Variants in HMGB1 observed in about 807,000 individuals in gnomAD.
The protein encoded by HMGB1 is high mobility group box 1, also known as high mobility group protein B1.
For synonymous variants in HMGB1, 81 were observed against 84.0 expected (o/e 0.96, Z 0.19); for missense variants, 79 against 253.5 (o/e 0.31, Z 4.67).
At chr13:30,471,688 G>A (rs1886943432) in intron 1 of HMGB1, among the ~76,000 whole-genome samples, 1 of 56,694 alleles carries the variant, frequency 1.8e-5, no homozygotes, top group Non-Finnish European at 3.5e-5. Context: ...TTTTTTTTGA[G>A]ATGGAGTTTC....
intron 1 of HMGB1, among the ~76,000 whole-genome samples, chr13:30,478,961 C>T (rs1385482787): frequency 8.6e-5 from 13 of 151,494 alleles, no homozygotes; most frequent in African/African-American, 1.5e-4. Flanking sequence ...CTCTGCCTCC[C>T]GGGTTCAAGC....
chr13:30,519,777 C>A (rs61947770), intron 1 of HMGB1, among the ~76,000 whole-genome samples: 5,699 of 151,906 alleles, frequency 0.038, 154 homozygotes, highest in South Asian at 0.077. Flanking sequence ...CCCTCAAGAA[C>A]TATCTTTCAT....
chr13:30,523,756 T>C (rs1180007190), intron 1 of HMGB1, among the ~76,000 whole-genome samples: 1 of 9,022 alleles, frequency 1.1e-4, no homozygotes, highest in Non-Finnish European at 5.3e-4. Context: ...TTTTTGTTTG[T>C]TTGAGATGGG....
chr13:30,549,957 T>A (rs903641142), intron 1 of HMGB1, among the ~76,000 whole-genome samples: 4 of 151,128 alleles, frequency 2.6e-5, no homozygotes, highest in Non-Finnish European at 5.9e-5. Flanking sequence ...CCCCAAGTAA[T>A]CCGCCTGCCT....
At chr13:30,464,871 G>A (rs1332215351) in intron 1 of HMGB1, 2 of 146,842 alleles carry the variant, frequency 1.4e-5, no homozygotes, top group Non-Finnish European at 2.9e-5. Context: ...GCACACACTC[G>A]GCCATTACGG....
chr13:30,603,251 T>C (rs189106194), intron 1 of HMGB1, among the ~76,000 whole-genome samples: 6 of 152,222 alleles, frequency 3.9e-5, no homozygotes, highest in African/African-American at 2.4e-5. Flanking sequence ...CTAGTGATTA[T>C]TCCCAAATCT....
Position 30,460,877 on chromosome 13 carries a change from T to C in HMGB1, c.*480A>G, listed in dbSNP as rs1886279029. The C allele has an allele frequency of 2.0e-6, 1 of 512,424 alleles. No homozygotes were observed. Among genetic ancestry groups the C allele is most frequent in the Non-Finnish European group, 2.5e-6 (1 of 398,680 alleles). The allele number at this position is 512,424 out of a possible 1,614,324, so 31.7% of individuals were successfully genotyped here. A position where few individuals can be genotyped will look rare whatever the true frequency, so the allele number is the denominator to read the frequency against. On this transcript the variant is annotated 3_prime_UTR_variant, in exon 5 of 5. Coordinates refer to ENST00000341423, the MANE Select transcript of HMGB1 (RefSeq NM_002128.7). ...CTCAAGAAGAAAAATTTCAGACCTA[T>C]GAAAAGGACAACAATACTAATAAAA...
intron 1 of HMGB1, among the ~76,000 whole-genome samples, chr13:30,606,903 A>G (rs932489032): frequency 6.6e-6 from 1 of 152,242 alleles, no homozygotes; most frequent in Non-Finnish European, 1.5e-5. Flanking sequence ...AGACAAATGA[A>G]TTCTGCACTC....
intron 1 of HMGB1, among the ~76,000 whole-genome samples, chr13:30,505,606 C>T (rs545971968): frequency 5.9e-5 from 9 of 151,752 alleles, no homozygotes; most frequent in Non-Finnish European, 1.0e-4. Flanking sequence ...CCACCATGCC[C>T]GACCTATTTT....
chr13:30,467,920 A>G (rs532291891), upstream of HMGB1, among the ~76,000 whole-genome samples: 19 of 152,186 alleles, frequency 1.2e-4, no homozygotes, highest in Admixed American at 5.9e-4. Context: ...CTTGAGAGCA[A>G]TGGGCCCACA....
At chr13:30,557,031 C>G (rs918418081) in intron 1 of HMGB1, among the ~76,000 whole-genome samples, 2 of 152,052 alleles carry the variant, frequency 1.3e-5, no homozygotes, top group Non-Finnish European at 2.9e-5. Flanking sequence ...TGGTATTTGT[C>G]AATTTAAAAA....
intron 1 of HMGB1, among the ~76,000 whole-genome samples, chr13:30,516,513 T>TTA (rs1249643203): frequency 6.6e-6 from 1 of 152,242 alleles, no homozygotes; most frequent in Non-Finnish European, 1.5e-5. Context: ...TGAATTTTTT[T>TTA]TATATAAGAG....
chr13:30,563,597 G>A (rs1870058098), intron 1 of HMGB1, among the ~76,000 whole-genome samples: 1 of 152,186 alleles, frequency 6.6e-6, no homozygotes, highest in African/African-American at 2.4e-5. Context: ...GCAACACACT[G>A]AGAGAGACTC....
intron 1 of HMGB1, among the ~76,000 whole-genome samples, chr13:30,522,784 T>G (rs1487405632): frequency 1.3e-5 from 2 of 151,742 alleles, no homozygotes; most frequent in Non-Finnish European, 2.9e-5. Context: ...CTGGCTTTAG[T>G]GCAGTGGTGC....
At chr13:30,491,179 G>T (rs1398405677) in intron 1 of HMGB1, among the ~76,000 whole-genome samples, 1 of 151,908 alleles carries the variant, frequency 6.6e-6, no homozygotes, top group Non-Finnish European at 1.5e-5. Flanking sequence ...CAGGCGTGTG[G>T]CACCACGCCT....
At chr13:30,565,698 C>T (rs1870156774) in intron 1 of HMGB1, among the ~76,000 whole-genome samples, 1 of 152,134 alleles carries the variant, frequency 6.6e-6, no homozygotes, top group African/African-American at 2.4e-5. Flanking sequence ...GTCCATGGAC[C>T]ACACTTAAAG....
rs1886133601 is a variant in HMGB1, at chr13:30,458,978, A to T, written c.*2379T>A. On this transcript the variant is annotated 3_prime_UTR_variant, in exon 5 of 5. Transcript: ENST00000341423. The stretch of plus-strand genomic sequence containing the variant: ...TATGCCTATCTTTAAAATACAAAAA[A>T]ACTAAGATTTATACATCTTAGTTCA... The T allele has an allele frequency of 3.3e-5, 5 of 152,182 alleles. No individual in the cohort carries two copies. The highest frequency in any genetic ancestry group is 2.6e-4 in the Admixed American group (4 of 15,278). The allele number at this position is 152,182 out of a possible 1,614,324, so 9.4% of individuals were successfully genotyped here.
At chr13:30,546,628 C>T (rs141452599) in intron 1 of HMGB1, among the ~76,000 whole-genome samples, 79 of 152,092 alleles carry the variant, frequency 5.2e-4, no homozygotes, top group African/African-American at 1.8e-3. Flanking sequence ...GAACTACAGG[C>T]GGGTGCCACC....
At chr13:30,538,928 G>A (rs1156423822) in intron 1 of HMGB1, among the ~76,000 whole-genome samples, 1 of 151,442 alleles carries the variant, frequency 6.6e-6, no homozygotes, top group Admixed American at 6.6e-5. Flanking sequence ...ATGGAGTCTC[G>A]CTCTGTCACC....
Sources: allele counts gnomAD v4.1 joint callset (sites outside exome capture counted in the v4.1 genomes callset), GRCh38; gene constraint gnomAD v4.1.1; transcripts MANE v1.5; gene names NCBI Gene and HGNC (gene_info 2026-07-23, HGNC 2026-07-21).